HEG1: variants seen among roughly 807,000 people sequenced by gnomAD.
HEG1 encodes the protein heart development protein with EGF like domains 1.
A neutral mutation model predicts 125.6 loss-of-function variants in HEG1; 56 were observed. That is an observed-to-expected ratio of 0.45 (90% CI 0.36 to 0.56). The LOEUF is 0.56. Ranked by LOEUF, HEG1 falls within the 20% of genes least tolerant of loss-of-function variation. The pLI, the probability that HEG1 is intolerant of heterozygous loss-of-function variation, is 0.00. For synonymous variants in HEG1, 644 were observed against 668.5 expected (o/e 0.96, Z 0.57); for missense variants, 1,523 against 1,670.0 (o/e 0.91, Z 1.53).
At position 124,965,753 on chromosome 3, in the gene HEG1, C is replaced by T. The variant is rs776681135; in HGVS notation, c.*4899G>A. The T allele has an allele frequency of 5.3e-5, 8 of 152,128 alleles. No homozygotes were observed. Among genetic ancestry groups the T allele is most frequent in the Non-Finnish European group, 7.4e-5 (5 of 68,022 alleles). The allele number at this position is 152,128 out of a possible 1,614,324, so 9.4% of individuals were successfully genotyped here. On this transcript the variant is annotated 3_prime_UTR_variant, in exon 17 of 17. Coordinates refer to ENST00000311127, the MANE Select transcript of HEG1 (RefSeq NM_020733.2). ...TATTGCATCATTTTACTGACTAGAACGCCAGACTTAGAGTGGATATAAGTA... is the reference window on the plus strand; with the variant it reads ...TATTGCATCATTTTACTGACTAGAATGCCAGACTTAGAGTGGATATAAGTA...
At position 125,019,410 on chromosome 3, in the gene HEG1, C is replaced by T; in HGVS notation, c.1440G>A (p.Val480=). Residue 480 remains valine (V), a synonymous_variant, in exon 5 of 17, where the codon GTG becomes GTA. Transcript: ENST00000311127. ...AGAACTGGGTCAACACTGAAGCATT[C>T]ACACCTTCAGGATATGAAGCAGAGC... is the stretch of plus-strand genomic sequence containing the variant. The part of the protein sequence containing the change: ...TGSSASYPEG[V]NASVLTQFSD... 6.2e-7 allele frequency: 1 copy of T among 1,614,022 alleles called. No homozygotes were observed. The highest frequency in any genetic ancestry group is 8.5e-7 in the Non-Finnish European group (1 of 1,179,878).
intron 14 of HEG1, among the ~76,000 whole-genome samples, chr3:124,989,984 A>G (rs901139062): frequency 8.6e-5 from 13 of 151,870 alleles, no homozygotes; most frequent in African/African-American, 3.1e-4. Flanking sequence ...TTCCAGCCAC[A>G]TCCACTTACA....
rs373641692 is a variant in HEG1, at chr3:125,020,902, G to A, written c.1142C>T (p.Ser381Leu). The change falls in exon 4 of 17, where the codon TCG (serine) becomes TTG (leucine). Residue 381 changes from serine (S) to leucine (L), a missense_variant. Transcript: ENST00000311127. ...CCCAGTTACTCTACTGTTTCTTCTC[G>A]ATTCCACTGCAGAGGGTGAAAGAAG... ...SVLLSPSAVE[S>L]RRNSRVTGNP... is the part of the protein sequence containing the mutation. 15 of 1,613,780 alleles carry A rather than the reference G, an allele frequency of 9.3e-6. No individual in the cohort carries two copies. In the African/African-American group the frequency reaches 1.9e-4, roughly 20 times the overall value.
intron 1 of HEG1, among the ~76,000 whole-genome samples, chr3:125,038,044 G>T (rs1937562840): frequency 6.6e-6 from 1 of 152,196 alleles, no homozygotes. Flanking sequence ...TGGATTTAGG[G>T]TTGTCAACTT....
chr3:125,055,187 C>G (rs1441852824), intron 1 of HEG1, among the ~76,000 whole-genome samples: 3 of 152,192 alleles, frequency 2.0e-5, no homozygotes, highest in Admixed American at 2.0e-4. Context: ...AGCCCTGTAC[C>G]TGGAGAGGCC....
Position 125,055,925 on chromosome 3 carries a change from G to C in HEG1, c.-35C>G, listed in dbSNP as rs965263857. On this transcript the variant is annotated 5_prime_UTR_variant, in exon 1 of 17. Transcript: ENST00000311127. ...GCCCGCCCGCGCTCACATGCCCGGC[G>C]CGCGGGGCGAGGGCAGCGGGCAGCG... is the stretch of plus-strand genomic sequence containing the variant. The C allele has an allele frequency of 1.0e-6, 1 of 956,028 alleles. No individual in the cohort carries two copies. The highest frequency in any genetic ancestry group is 1.2e-6 in the Non-Finnish European group (1 of 814,964). The allele number at this position is 956,028 out of a possible 1,614,324, so 59.2% of individuals were successfully genotyped here. A position where few individuals can be genotyped will look rare whatever the true frequency, so the allele number is the denominator to read the frequency against.
intron 1 of HEG1, among the ~76,000 whole-genome samples, chr3:125,035,164 C>T (rs1043599654): frequency 5.9e-5 from 9 of 152,088 alleles, no homozygotes; most frequent in African/African-American, 2.2e-4. Context: ...TGGGGTTTCA[C>T]CCTGTTGCCC....
chr3:125,041,474 GAA>G (rs1349834921), intron 1 of HEG1, among the ~76,000 whole-genome samples: 1 of 152,234 alleles, frequency 6.6e-6, no homozygotes, highest in African/African-American at 2.4e-5. Context: ...AGGATATGGA[GAA>G]CTCAGAACAC....
rs1170493064 is a variant in HEG1 at position 125,055,568 on chromosome 3, C to T, written c.316+7G>A. On this transcript the variant is annotated splice_region_variant and intron_variant, in intron 1 of 16. Transcript: ENST00000311127. ...GGCCAGGCGCCAGGTTCCCGGCTCTCACTCACCCGCGCTCCCGCCTCTGGG... is the reference window on the plus strand; with the variant it reads ...GGCCAGGCGCCAGGTTCCCGGCTCTTACTCACCCGCGCTCCCGCCTCTGGG... The T allele has an allele frequency of 8.3e-7, 1 of 1,204,648 alleles. No homozygotes were observed. Among genetic ancestry groups the T allele is most frequent in the Non-Finnish European group, 1.0e-6 (1 of 969,944 alleles). 74.6% of individuals were successfully genotyped at this position (1,204,648 alleles called of 1,614,324 possible).
In HEG1 at chr3:125,013,538, C is replaced by G. The variant is rs1298913488; in HGVS notation, c.2041G>C (p.Val681Leu). ...SSGPPLPLPS[V>L]SQSHHLFSSI... The stretch of plus-strand genomic sequence containing the variant: ...GAAAATAAATGGTGGGATTGTGACA[C>G]AGAGGGCAGAGGCAAAGGAGGCCCT... The change falls in exon 6 of 17, where the codon GTG becomes CTG. Residue 681 changes from valine (V) to leucine (L), a missense_variant. Val to Leu is a conservative substitution (Grantham distance 32). Transcript: ENST00000311127. The G allele has an allele frequency of 1.9e-6, 3 of 1,603,036 alleles. No homozygotes were observed. Among genetic ancestry groups the G allele is most frequent in the Non-Finnish European group, 8.5e-7 (1 of 1,174,884 alleles).
At chr3:124,990,503 TA>T (rs1936814934) in intron 14 of HEG1, among the ~76,000 whole-genome samples, 1 of 152,126 alleles carries the variant, frequency 6.6e-6, no homozygotes, top group African/African-American at 2.4e-5. Flanking sequence ...CACACCCAGC[TA>T]ATTTTTGTAT....
chr3:125,020,856 G>T lies in HEG1; in HGVS notation c.1188C>A (p.Phe396Leu), dbSNP rs746188095. 4.3e-6 allele frequency: 7 copies of T among 1,613,868 alleles called. No individual in the cohort carries two copies. The highest frequency in any genetic ancestry group is 1.6e-4 in the Middle Eastern group (1 of 6,084). The change falls in exon 4 of 17, where the codon TTC (phenylalanine) becomes TTA (leucine). Residue 396 changes from phenylalanine (F) to leucine (L), a missense_variant. Coordinates refer to ENST00000311127, the MANE Select transcript of HEG1 (RefSeq NM_020733.2). ...ATTCATTTTCTGTGGATGGTTCAAT[G>T]AATTCCTCATCCCCTGGATTCCCAG... ...RVTGNPGDEE[F>L]IEPSTENEFG...
chr3:124,993,994 G>A (rs1207344988), intron 12 of HEG1, among the ~76,000 whole-genome samples: 1 of 152,124 alleles, frequency 6.6e-6, no homozygotes, highest in Non-Finnish European at 1.5e-5. Context: ...TGCTCCTTAG[G>A]ACCCAGCTTC....
At chr3:124,987,546 G>A (rs1190107559) in intron 14 of HEG1, among the ~76,000 whole-genome samples, 1 of 139,310 alleles carries the variant, frequency 7.2e-6, no homozygotes, top group Non-Finnish European at 1.5e-5. Flanking sequence ...TTTTTGAGAC[G>A]GAGTCTCGCT....
intron 12 of HEG1, among the ~76,000 whole-genome samples, chr3:124,994,507 CTTT>C (rs547731140): frequency 3.5e-5 from 5 of 143,806 alleles, no homozygotes; most frequent in Non-Finnish European, 3.1e-5. Flanking sequence ...ATGGTGGCAT[CTTT>C]TTTTTTTTTT....
intron 11 of HEG1, 124 bp downstream of exon 11, chr3:125,001,728 C>A: frequency 9.8e-7 from 1 of 1,023,506 alleles, no homozygotes; most frequent in Non-Finnish European, 1.4e-6. Flanking sequence ...TGACTTAACA[C>A]CCATGCCAAA....
chr3:124,996,370 C>A (rs1936924339), intron 12 of HEG1, among the ~76,000 whole-genome samples: 1 of 152,130 alleles, frequency 6.6e-6, no homozygotes, highest in African/African-American at 2.4e-5. Context: ...AGGCGTGAGT[C>A]ACCACGCCCG....
rs1176589056 is a variant in HEG1, at chr3:124,970,516, C to T, written c.*136G>A. On this transcript the variant is annotated 3_prime_UTR_variant, in exon 17 of 17. Coordinates refer to ENST00000311127, the MANE Select transcript of HEG1 (RefSeq NM_020733.2). Reference sequence around the variant, plus strand: ...TGTCTCCTCCACTGTGGTCACGCCCCGCATGCCTGTCCCTCTTCCTGCTTG... The same window carrying T: ...TGTCTCCTCCACTGTGGTCACGCCCTGCATGCCTGTCCCTCTTCCTGCTTG... 3.1e-5 allele frequency: 22 copies of T among 707,704 alleles called. No homozygotes were observed. Among genetic ancestry groups the T allele is most frequent in the African/African-American group, 8.9e-5 (5 of 55,910 alleles). The allele number at this position is 707,704 out of a possible 1,614,324, so 43.8% of individuals were successfully genotyped here.
chr3:124,989,113 C>G (rs1936789886), intron 14 of HEG1, among the ~76,000 whole-genome samples: 1 of 152,192 alleles, frequency 6.6e-6, no homozygotes, highest in Non-Finnish European at 1.5e-5. Context: ...AATTCCAAGT[C>G]TCTAGACTCT....
Sources: gnomAD v4.1 joint callset for allele counts (sites outside exome capture counted in the v4.1 genomes callset) on GRCh38, gnomAD v4.1.1 for gene constraint, MANE v1.5 for transcripts, NCBI Gene and HGNC (gene_info 2026-07-23, HGNC 2026-07-21) for gene names.